COL27A1: variants seen among roughly 807,000 people sequenced by gnomAD.
COL27A1 encodes the protein collagen type XXVII alpha 1 chain, also known as collagen alpha-1(XXVII) chain.
Under a neutral mutation model 251.3 loss-of-function variants are expected in COL27A1, and 106 were observed. The observed-to-expected ratio is 0.42, with a 90% CI of 0.36 to 0.50. The LOEUF is 0.50. COL27A1 is among the 20% of genes least tolerant of loss of function. The pLI is 0.00. For synonymous variants in COL27A1, 1,000 were observed against 986.3 expected (o/e 1.01, Z -0.26); for missense variants, 2,325 against 2,522.8 (o/e 0.92, Z 1.68).
chr9:114,227,100 G>A (rs1445161292), intron 14 of COL27A1, among the ~76,000 whole-genome samples: 2 of 152,182 alleles, frequency 1.3e-5, no homozygotes, highest in African/African-American at 2.4e-5. Context: ...CAGTGGCTAA[G>A]TATGTCACAG....
rs756799604 is a variant in COL27A1 at position 114,306,651 on chromosome 9, C to T, written c.5070C>T (p.Cys1690=). The T allele has an allele frequency of 6.2e-7, 1 of 1,614,164 alleles. No homozygotes were observed. Among genetic ancestry groups the T allele is most frequent in the Non-Finnish European group, 8.5e-7 (1 of 1,180,038 alleles). Residue 1690 remains cysteine (C), a synonymous_variant, in exon 58 of 61, where the codon TGC becomes TGT. Transcript: ENST00000356083. ...CCAAAGAGAACCCCGCCCGGGTCTG[C>T]AGGGACCTCATGGACTGTGAGCAGA... ...LGTKENPARV[C]RDLMDCEQKM...
chr9:114,170,319 G>A (rs901484831), intron 3 of COL27A1, among the ~76,000 whole-genome samples: 2 of 152,208 alleles, frequency 1.3e-5, no homozygotes, highest in Non-Finnish European at 2.9e-5. Context: ...GGCTTGCCTG[G>A]GACCGTCTCT....
intron 14 of COL27A1, among the ~76,000 whole-genome samples, chr9:114,225,993 G>A (rs930254405): frequency 2.6e-5 from 4 of 152,066 alleles, no homozygotes; most frequent in African/African-American, 4.8e-5. Context: ...GTGAGCCACC[G>A]GTGGCTCCCT....
chr9:114,235,173 A>G (rs998994516), intron 16 of COL27A1, among the ~76,000 whole-genome samples: 1 of 152,094 alleles, frequency 6.6e-6, no homozygotes, highest in African/African-American at 2.4e-5. Context: ...ATGGTGAAAA[A>G]TTGAGCAGAC....
chr9:114,265,005 C>T, intron 30 of COL27A1, 37 bp downstream of exon 30: 1 of 1,612,084 alleles, frequency 6.2e-7, no homozygotes, highest in Non-Finnish European at 8.5e-7. Flanking sequence ...CAGCTGCAGG[C>T]CCCCTCCCTG....
At chr9:114,173,988 T>C (rs749430887) in intron 3 of COL27A1, among the ~76,000 whole-genome samples, 2,418 of 152,076 alleles carry the variant, frequency 0.016, 40 homozygotes, top group Non-Finnish European at 0.028. Flanking sequence ...CCCCATTTTT[T>C]TTTTTTTGAG....
In COL27A1 at chr9:114,301,337, G is replaced by A. The variant is rs1049429288; in HGVS notation, c.4791+18G>A. The A allele has an allele frequency of 1.2e-5, 19 of 1,613,276 alleles. No individual in the cohort carries two copies. Among genetic ancestry groups the A allele is most frequent in the Non-Finnish European group, 1.4e-5 (17 of 1,179,772 alleles). On this transcript the variant is annotated intron_variant, in intron 53 of 60. Transcript: ENST00000356083. ...GGGACTGGGTAAGTGGATGGGCTGG[G>A]GCTGAGGGATGCAGCACTGCAGGGG...
In COL27A1 at chr9:114,290,458, G is replaced by GT. The variant is rs11386651; in HGVS notation, c.4368+129dup. ...ATGGGCAGAACCAACACATCCAGAAGTTCTCTGGGGTGGGCAACCATCTCC... is the reference window on the plus strand; with the variant it reads ...ATGGGCAGAACCAACACATCCAGAAGTTTCTCTGGGGTGGGCAACCATCTCC... On this transcript the variant is annotated intron_variant, in intron 47 of 60. Coordinates refer to ENST00000356083, the MANE Select transcript of COL27A1 (RefSeq NM_032888.4). This position sits in a 1 kb window ranked among gnomAD's most constrained non-coding sequence, Gnocchi z 4.6. 0.56 allele frequency: 456,342 copies of GT among 811,404 alleles called. 136,760 individuals are homozygous for GT. Among genetic ancestry groups the GT allele is most frequent in the East Asian group, 0.89 (33,665 of 37,632 alleles). 50.3% of individuals were successfully genotyped at this position (811,404 alleles called of 1,614,324 possible).
At chr9:114,212,052 C>A (rs745483133) in intron 12 of COL27A1, among the ~76,000 whole-genome samples, 1 of 152,176 alleles carries the variant, frequency 6.6e-6, no homozygotes, top group Non-Finnish European at 1.5e-5. Context: ...GCTGTTGGAG[C>A]GTTTAACCTG....
Position 114,169,266 on chromosome 9 carries a change from C to T in COL27A1, c.1711C>T (p.Leu571=). ...AGCCAGGGATGTCCCCTTGAGCGAT[C>T]TGACAACCAGGCCTAGCCCCAGACA... is the stretch of plus-strand genomic sequence containing the variant. ...KAARDVPLSD[L]TTRPSPRQPQ... Residue 571 remains leucine (L), a synonymous_variant, in exon 3 of 61, where the codon CTG becomes TTG. Coordinates refer to ENST00000356083, the MANE Select transcript of COL27A1 (RefSeq NM_032888.4). 2 of 1,612,706 alleles carry T rather than the reference C, an allele frequency of 1.2e-6. No individual in the cohort carries two copies. The highest frequency in any genetic ancestry group is 1.1e-5 in the South Asian group (1 of 90,924).
At chr9:114,187,813 A>T (rs1828483458) in intron 5 of COL27A1, among the ~76,000 whole-genome samples, 1 of 152,270 alleles carries the variant, frequency 6.6e-6, no homozygotes, top group South Asian at 2.1e-4. Context: ...AGTAAAAAAA[A>T]ATCAGTTCCA....
At chr9:114,159,170 A>G (rs1254169684) in intron 1 of COL27A1, among the ~76,000 whole-genome samples, 4 of 152,214 alleles carry the variant, frequency 2.6e-5, no homozygotes, top group Non-Finnish European at 4.4e-5. Flanking sequence ...TGAAGTCCTC[A>G]AGTTGGAAGC....
rs139702411 is a variant in COL27A1, at chr9:114,207,565, C to T, written c.2268+1269C>T. 1.5e-3 allele frequency among the ~76,000 whole-genome samples: 224 copies of T among 152,320 alleles called. 1 individual carries two copies. The highest frequency in any genetic ancestry group is 5.1e-3 in the African/African-American group (214 of 41,560). On this transcript the variant is annotated intron_variant, in intron 10 of 60. Transcript: ENST00000356083. ...TGCCAGGCTGGTGGCATCTCAAAGTCACATAGCAGGAGAGGACTGGTCTGG... is the reference window on the plus strand; with the variant it reads ...TGCCAGGCTGGTGGCATCTCAAAGTTACATAGCAGGAGAGGACTGGTCTGG...
intron 60 of COL27A1, among the ~76,000 whole-genome samples, chr9:114,310,203 C>G (rs1829351481): frequency 6.6e-6 from 1 of 151,910 alleles, no homozygotes; most frequent in African/African-American, 2.4e-5. Context: ...GTACCCAAAC[C>G]CCACCTGTTC....
intron 40 of COL27A1, among the ~76,000 whole-genome samples, chr9:114,284,346 G>A (rs145837394): frequency 2.6e-3 from 393 of 152,358 alleles, no homozygotes; most frequent in Admixed American, 4.1e-3. Flanking sequence ...GGGGTGTTGC[G>A]AGGAGCCCAC....
At chr9:114,278,749 G>A (rs1227916292) in intron 37 of COL27A1, among the ~76,000 whole-genome samples, 1 of 151,902 alleles carries the variant, frequency 6.6e-6, no homozygotes, top group African/African-American at 2.4e-5. Context: ...TGGAAGGAGA[G>A]TCACTTGGGC....
At chr9:114,235,529 G>T in intron 16 of COL27A1, 70 bp from the exon 17 acceptor site, 1 of 1,163,020 alleles carries the variant, frequency 8.6e-7, no homozygotes, top group Non-Finnish European at 1.3e-6. Context: ...CCTCGCCAGG[G>T]GGTCTGTGGG....
intron 14 of COL27A1, among the ~76,000 whole-genome samples, chr9:114,229,455 G>C (rs557173381): frequency 1.3e-5 from 2 of 152,142 alleles, no homozygotes; most frequent in Non-Finnish European, 2.9e-5. Context: ...GCCTCCCTCC[G>C]AGACGTCTCC....
At position 114,169,326 on chromosome 9, in the gene COL27A1, G is replaced by T. The variant is rs540526729; in HGVS notation, c.1771G>T (p.Val591Leu). ...CAGTCAGCAGACCACCCCGGCCCTG[G>T]TATTGGCCCCGGCGCAATTCCTGTC... ...QPSQQTTPAL[V>L]LAPAQFLSSS... The change falls in exon 3 of 61, where the codon GTA becomes TTA. Residue 591 changes from valine (V) to leucine (L), a missense_variant. Physicochemically the swap from Val to Leu is conservative, Grantham distance 32. Around this residue, in one of 4 missense-constraint regions of COL27A1, gnomAD observed 1,183 missense variants for 1,144.1 expected, o/e 1.03. Transcript: ENST00000356083. The T allele has an allele frequency of 1.1e-5, 18 of 1,612,582 alleles. No homozygotes were observed. The highest frequency in any genetic ancestry group is 1.4e-5 in the Non-Finnish European group (17 of 1,179,732).
Sources: gnomAD v4.1 joint callset for allele counts (sites outside exome capture counted in the v4.1 genomes callset) on GRCh38, gnomAD v4.1.1 for gene constraint, gnomAD v4.1.1 regional missense constraint, Gnocchi (gnomAD v3.1) non-coding constraint, MANE v1.5 for transcripts, NCBI Gene and HGNC (gene_info 2026-07-23, HGNC 2026-07-21) for gene names.